ITGB6: variants seen among roughly 807,000 people sequenced by gnomAD.
ITGB6 encodes integrin beta-6.
Under a neutral mutation model 84.5 loss-of-function variants are expected in ITGB6, and 80 were observed. That is an observed-to-expected ratio of 0.95 (90% confidence interval 0.79 to 1.14). The LOEUF is 1.14. ITGB6 is among the 50% of genes most tolerant of loss of function. ITGB6 has a pLI of 0.00. For missense variants in ITGB6, 1,006 were observed against 968.0 expected, an observed-to-expected ratio of 1.04 and a Z score of -0.52; for synonymous variants, 383 against 354.9, an observed-to-expected ratio of 1.08 and a Z score of -0.89.
intron 7 of ITGB6, among the ~76,000 whole-genome samples, chr2:160,164,120 A>G (rs914991843): frequency 6.6e-6 from 1 of 152,236 alleles, no homozygotes; most frequent in Non-Finnish European, 1.5e-5. Flanking sequence ...TCTTTCCAGA[A>G]CACAACTCTA....
chr2:160,117,140 A>G lies in ITGB6; in HGVS notation c.1982-4941T>C, dbSNP rs866291271. ...AGTTAACAAGGATACCCAGGAATTG[A>G]ACCCAGCTCTGCACCAAGCGGACCT... On this transcript the variant is annotated intron_variant, in intron 12 of 14. Transcript: ENST00000283249. Among the ~76,000 whole-genome samples, 8 of 152,128 alleles carry G rather than the reference A, an allele frequency of 5.3e-5. 1 individual carries two copies. Among genetic ancestry groups the G allele is most frequent in the African/African-American group, 1.9e-4 (8 of 41,510 alleles).
In ITGB6 at chr2:160,117,378, C is replaced by T. The variant is rs1378492089; in HGVS notation, c.1982-5179G>A. On this transcript the variant is annotated intron_variant, in intron 12 of 14. Transcript: ENST00000283249. ...AAGAAACTCACTCAAAACTGCTCAA[C>T]TACATGGAAACTGAACAACCTGCTC... Among the ~76,000 whole-genome samples, 6 of 151,886 alleles carry T rather than the reference C, an allele frequency of 4.0e-5. No individual in the cohort carries two copies. In the East Asian group the frequency reaches 1.2e-3, roughly 29 times the overall value.
At position 160,137,171 on chromosome 2, in the gene ITGB6, C is replaced by T. The variant is rs926434261; in HGVS notation, c.1660+263G>A. Among the ~76,000 whole-genome samples the T allele has an allele frequency of 5.9e-5, 9 of 152,002 alleles. No homozygotes were observed. In the South Asian group the frequency reaches 1.9e-3, roughly 32 times the overall value. On this transcript the variant is annotated intron_variant, in intron 10 of 14. Coordinates refer to ENST00000283249, the MANE Select transcript of ITGB6 (RefSeq NM_000888.5). ...ACTTTTGTAGAGTCTGGGTGTCAAC[C>T]AGAGAGAAGGCACTTGTATCTTTCA... is the stretch of plus-strand genomic sequence containing the variant.
At chr2:160,110,435 G>T (rs1408402979) in intron 13 of ITGB6, among the ~76,000 whole-genome samples, 1 of 151,872 alleles carries the variant, frequency 6.6e-6, no homozygotes, top group African/African-American at 2.4e-5. Flanking sequence ...AGCAAATACA[G>T]CACTCTTTCC....
intron 12 of ITGB6, among the ~76,000 whole-genome samples, chr2:160,117,819 ATGATAAAGGGGCTAT>A (rs1401439745): frequency 6.6e-6 from 1 of 152,228 alleles, no homozygotes; most frequent in Non-Finnish European, 1.5e-5. Context: ...GCAATAAAAC[ATGATAAAGGGGCTAT>A]CACCACCGAT....
chr2:160,158,334 G>A (rs1356812008), intron 7 of ITGB6, among the ~76,000 whole-genome samples: 1 of 152,208 alleles, frequency 6.6e-6, no homozygotes, highest in Non-Finnish European at 1.5e-5. Context: ...ACACAGCTGA[G>A]CGAGTGCTCG....
chr2:160,191,484 A>T (rs571621885), intron 4 of ITGB6, among the ~76,000 whole-genome samples: 6 of 152,266 alleles, frequency 3.9e-5, no homozygotes, highest in African/African-American at 7.2e-5. Context: ...TAATTTTTTT[A>T]AAAAAACTTA....
chr2:160,104,156 T>C (rs1402462207), intron 14 of ITGB6, among the ~76,000 whole-genome samples: 4 of 152,132 alleles, frequency 2.6e-5, no homozygotes, highest in African/African-American at 7.2e-5. Flanking sequence ...TAGGGAGTGA[T>C]GGGTAAAGCA....
chr2:160,134,732 G>T (rs188789284), intron 10 of ITGB6, among the ~76,000 whole-genome samples: 5 of 152,300 alleles, frequency 3.3e-5, no homozygotes, highest in African/African-American at 1.2e-4. Context: ...TCATCCCTGG[G>T]ATGCAAGGCT....
chr2:160,175,058 A>G (rs928404695), intron 4 of ITGB6, among the ~76,000 whole-genome samples: 4 of 152,250 alleles, frequency 2.6e-5, no homozygotes, highest in Non-Finnish European at 4.4e-5. Context: ...TCACTGGTGT[A>G]GAAGCGCAAA....
chr2:160,140,895 G>C (rs770910027), intron 8 of ITGB6, among the ~76,000 whole-genome samples: 13 of 151,980 alleles, frequency 8.6e-5, no homozygotes, highest in Non-Finnish European at 1.5e-4. Flanking sequence ...AAAATTATTG[G>C]GGAATTTTTT....
At chr2:160,172,036 G>T (rs1685225111) in intron 6 of ITGB6, among the ~76,000 whole-genome samples, 1 of 152,304 alleles carries the variant, frequency 6.6e-6, no homozygotes, top group African/African-American at 2.4e-5. Context: ...TGTCCAAAGA[G>T]CTCTGAAATT....
At chr2:160,151,490 G>A (rs1684414222) in intron 7 of ITGB6, among the ~76,000 whole-genome samples, 1 of 152,146 alleles carries the variant, frequency 6.6e-6, no homozygotes, top group African/African-American at 2.4e-5. Flanking sequence ...TCAAGAGAAA[G>A]CAGGAAAGAT....
chr2:160,192,143 T>C (rs1226527002), intron 4 of ITGB6, among the ~76,000 whole-genome samples: 2 of 152,172 alleles, frequency 1.3e-5, no homozygotes, highest in Admixed American at 6.6e-5. Context: ...AAAATTTATA[T>C]GGAAATGCAA....
chr2:160,109,298 G>A (rs936218780), intron 13 of ITGB6, among the ~76,000 whole-genome samples: 5 of 152,144 alleles, frequency 3.3e-5, no homozygotes, highest in South Asian at 2.1e-4. Context: ...CTATATTCTC[G>A]CATAGCAAAT....
At chr2:160,167,399 A>G (rs536738378) in intron 7 of ITGB6, among the ~76,000 whole-genome samples, 3 of 152,360 alleles carry the variant, frequency 2.0e-5, no homozygotes, top group Admixed American at 6.5e-5. Context: ...GAGCCCATCA[A>G]AATAAAAATA....
intron 7 of ITGB6, among the ~76,000 whole-genome samples, chr2:160,150,138 C>A (rs1264196341): frequency 1.3e-5 from 2 of 152,052 alleles, no homozygotes; most frequent in Non-Finnish European, 2.9e-5. Context: ...GAAGGGAAAC[C>A]CCAAGACACA....
chr2:160,126,644 C>G (rs1337815176), intron 10 of ITGB6, 43 bp from the exon 11 acceptor site: 1 of 1,572,696 alleles, frequency 6.4e-7, no homozygotes, highest in South Asian at 1.1e-5. Flanking sequence ...CCCCAAAACA[C>G]TTGCAGATTT....
chr2:160,132,603 G>C (rs544026015), intron 10 of ITGB6, among the ~76,000 whole-genome samples: 4 of 152,212 alleles, frequency 2.6e-5, no homozygotes, highest in South Asian at 4.1e-4. Flanking sequence ...GTGAAGAACA[G>C]AGATATTGAA....
Sources: gnomAD v4.1 joint callset for allele counts (sites outside exome capture counted in the v4.1 genomes callset) on GRCh38, gnomAD v4.1.1 for gene constraint, MANE v1.5 for transcripts, NCBI Gene and HGNC (gene_info 2026-07-23, HGNC 2026-07-21) for gene names.